The following CPED1 variants were observed in gnomAD, a reference collection of about 807,000 sequenced individuals.
The protein encoded by CPED1 is cadherin like and PC-esterase domain containing 1.
Under a neutral mutation model 128.2 loss-of-function variants are expected in CPED1, and 114 were observed. The ratio of observed to expected loss-of-function variants is 0.89; its 90% CI spans 0.76 to 1.04. The LOEUF (loss-of-function observed/expected upper bound fraction) is 1.04. Among genes scored for constraint, CPED1 ranks in the 50% least tolerant of loss-of-function variants. The probability of loss-of-function intolerance (pLI) is 0.00; values close to 1 mark genes in which losing one functional copy is unlikely to be tolerated. For missense variants in CPED1, 1,211 were observed against 1,207.1 expected (o/e 1.00, Z -0.05); for synonymous variants, 462 against 426.7 (o/e 1.08, Z -1.02).
chr7:121,200,978 A>G (rs1584592122), intron 16 of CPED1, among the ~76,000 whole-genome samples: 2 of 152,114 alleles, frequency 1.3e-5, no homozygotes, highest in East Asian at 3.9e-4. Context: ...AGAAGGTTAG[A>G]TAGGGCAAGG....
At chr7:121,068,539 A>C (rs201377118) in intron 5 of CPED1, among the ~76,000 whole-genome samples, 1,967 of 151,608 alleles carry the variant, frequency 0.013, 43 homozygotes, top group African/African-American at 0.043. Flanking sequence ...AGTTTGAAGT[A>C]AGGTAGTGTG....
chr7:121,293,806 C>T (rs1792763839), intron 22 of CPED1, among the ~76,000 whole-genome samples: 1 of 151,896 alleles, frequency 6.6e-6, no homozygotes, highest in Non-Finnish European at 1.5e-5. Context: ...AACGCCTCAC[C>T]CTGCTTCTGC....
chr7:121,244,485 T>A, intron 18 of CPED1, 147 bp downstream of exon 18: 1 of 785,178 alleles, frequency 1.3e-6, no homozygotes. Context: ...GAATCATGTA[T>A]AGATGTTATC....
chr7:121,168,884 A>G (rs541903699), intron 16 of CPED1, among the ~76,000 whole-genome samples: 1 of 152,346 alleles, frequency 6.6e-6, no homozygotes, highest in South Asian at 2.1e-4. Context: ...TTATAAAGGT[A>G]GACACTTCAG....
At chr7:121,204,219 T>G (rs1186055809) in intron 16 of CPED1, among the ~76,000 whole-genome samples, 1 of 152,064 alleles carries the variant, frequency 6.6e-6, no homozygotes, top group Non-Finnish European at 1.5e-5. Flanking sequence ...AAAAATTATA[T>G]CCTTTCCTTT....
rs1203363147 is a variant in CPED1, at chr7:121,015,788, A to G, written c.373A>G (p.Thr125Ala). The change falls in exon 3 of 23, where the codon ACG (threonine) becomes GCG (alanine). Residue 125 changes from threonine to alanine, a missense_variant. By Grantham distance (58) the Thr-to-Ala change is moderately conservative. Transcript: ENST00000310396. ...GCACATTCTGACTCAACATGGCTAT[A>G]CGGTTGTCATCGCTGAAGAAAGGCT... ...HQHILTQHGYTVVIAEERLNA... is the reference protein window; with the variant it reads ...HQHILTQHGYAVVIAEERLNA... The G allele has an allele frequency of 1.9e-6, 3 of 1,603,888 alleles. No homozygotes were observed. The highest frequency in any genetic ancestry group is 2.3e-5 in the South Asian group (2 of 88,750).
chr7:121,273,024 T>C (rs1792262749), intron 22 of CPED1, among the ~76,000 whole-genome samples: 1 of 152,078 alleles, frequency 6.6e-6, no homozygotes, highest in Non-Finnish European at 1.5e-5. Context: ...TGATTTTTTT[T>C]TGGCTTCTGT....
chr7:121,261,587 G>T (rs755796224), intron 18 of CPED1: 1 of 1,588,624 alleles, frequency 6.3e-7, no homozygotes, highest in South Asian at 1.1e-5. Flanking sequence ...AGCTTCCAGC[G>T]CTGGCCCATA....
chr7:120,995,478 C>G (rs1796382046), intron 2 of CPED1, among the ~76,000 whole-genome samples: 1 of 152,170 alleles, frequency 6.6e-6, no homozygotes, highest in African/African-American at 2.4e-5. Flanking sequence ...TTGTTTTATA[C>G]TTTTCCTTGA....
At chr7:121,034,237 GT>G (rs750813721) in intron 3 of CPED1, among the ~76,000 whole-genome samples, 1 of 122,344 alleles carries the variant, frequency 8.2e-6, no homozygotes, top group Non-Finnish European at 1.7e-5. Context: ...CAGACATCAA[GT>G]TTTTTTTTCT....
chr7:121,070,810 C>T (rs963827634), intron 5 of CPED1, among the ~76,000 whole-genome samples: 4 of 152,104 alleles, frequency 2.6e-5, no homozygotes, highest in African/African-American at 7.2e-5. Flanking sequence ...CAGTCCATTC[C>T]GTTATCCAGA....
At chr7:121,043,438 A>C (rs1793110804) in intron 3 of CPED1, among the ~76,000 whole-genome samples, 1 of 152,210 alleles carries the variant, frequency 6.6e-6, no homozygotes, top group Non-Finnish European at 1.5e-5. Context: ...GGTATATTCA[A>C]ACATCCCTCT....
chr7:121,049,531 G>A (rs1199705178), intron 4 of CPED1, among the ~76,000 whole-genome samples: 3 of 152,208 alleles, frequency 2.0e-5, no homozygotes, highest in African/African-American at 2.4e-5. Context: ...ACCCACAAAC[G>A]TCAGCCTCCT....
At chr7:121,096,602 C>T (rs1584508704) in intron 5 of CPED1, among the ~76,000 whole-genome samples, 1 of 152,106 alleles carries the variant, frequency 6.6e-6, no homozygotes, top group Non-Finnish European at 1.5e-5. Flanking sequence ...TGTAAAAGTA[C>T]ACCAAAATAG....
At chr7:121,140,375 A>G (rs1795873828) in intron 14 of CPED1, among the ~76,000 whole-genome samples, 1 of 152,024 alleles carries the variant, frequency 6.6e-6, no homozygotes, top group Admixed American at 6.6e-5. Flanking sequence ...TACTATATCA[A>G]TCAAGTGGTA....
At chr7:121,243,861 G>A (rs1467744610) in intron 17 of CPED1, among the ~76,000 whole-genome samples, 3 of 152,166 alleles carry the variant, frequency 2.0e-5, no homozygotes, top group African/African-American at 4.8e-5. Context: ...AATTTGTGGG[G>A]CTCCCAGTCT....
chr7:121,194,249 C>T (rs1392720272), intron 16 of CPED1, among the ~76,000 whole-genome samples: 2 of 151,536 alleles, frequency 1.3e-5, no homozygotes, highest in African/African-American at 4.8e-5. Flanking sequence ...CAGGGTTTCA[C>T]CCTGTTGGCC....
intron 2 of CPED1, among the ~76,000 whole-genome samples, chr7:120,990,980 C>A (rs1430978846): frequency 6.6e-6 from 1 of 152,154 alleles, no homozygotes; most frequent in Admixed American, 6.5e-5. Flanking sequence ...CTGACAGTGC[C>A]ATTTAGGTAG....
At chr7:121,154,986 C>G (rs1796252592) in intron 16 of CPED1, among the ~76,000 whole-genome samples, 1 of 152,072 alleles carries the variant, frequency 6.6e-6, no homozygotes, top group Non-Finnish European at 1.5e-5. Context: ...AATACTCTAT[C>G]AAAAAACTTA....
Sources: gnomAD v4.1 joint callset for allele counts (sites outside exome capture counted in the v4.1 genomes callset) on GRCh38, gnomAD v4.1.1 for gene constraint, MANE v1.5 for transcripts, NCBI Gene and HGNC (gene_info 2026-07-23, HGNC 2026-07-21) for gene names.